The following MATCAP2 variants were observed in gnomAD, a reference collection of about 807,000 sequenced individuals.
The protein encoded by MATCAP2 is microtubule associated tyrosine carboxypeptidase 2.
At chr7:36,328,572 C>T in the MATCAP2 span, among the ~76,000 whole-genome samples, 17 of 151,184 alleles carry the variant, frequency 1.1e-4, no homozygotes, top group East Asian at 2.4e-3. Context: ...GGTGAAACCC[C>T]GTCTCTACTA....
At chr7:36,355,265 G>A in the MATCAP2 span, 8 of 152,162 alleles carry the variant, frequency 5.3e-5, no homozygotes, top group Admixed American at 5.2e-4. Flanking sequence ...TATGCACTAA[G>A]CATTCTCTCA....
At chr7:36,381,792 T>C in the MATCAP2 span, among the ~76,000 whole-genome samples, 3 of 151,938 alleles carry the variant, frequency 2.0e-5, no homozygotes, top group Non-Finnish European at 4.4e-5. Context: ...ACTGGGATGG[T>C]GTCAGACTCT....
At chr7:36,366,703 C>G in the MATCAP2 span, 1 of 1,535,142 alleles carries the variant, frequency 6.5e-7, no homozygotes, top group Non-Finnish European at 8.7e-7. Flanking sequence ...CAGGTACTTA[C>G]TGATAATAAG....
At chr7:36,386,478 T>C in the MATCAP2 span, among the ~76,000 whole-genome samples, 1 of 151,988 alleles carries the variant, frequency 6.6e-6, no homozygotes, top group African/African-American at 2.4e-5. Context: ...TGTGTATCAT[T>C]AGTTATATTA....
the MATCAP2 span, chr7:36,326,475 T>C: frequency 7.2e-5 from 15 of 207,144 alleles, no homozygotes; most frequent in Non-Finnish European, 1.2e-4. Context: ...AAATTTATCA[T>C]GCAATTTGAC....
chr7:36,334,265 G>A, the MATCAP2 span: 122 of 957,396 alleles, frequency 1.3e-4, 1 homozygote, highest in South Asian at 1.7e-3. Flanking sequence ...AGCCAGGCGC[G>A]GTGGCTCATG....
the MATCAP2 span, among the ~76,000 whole-genome samples, chr7:36,328,346 A>C: frequency 3.3e-5 from 5 of 150,782 alleles, no homozygotes; most frequent in African/African-American, 4.9e-5. Context: ...GGTGTGAGCC[A>C]CAATGCCCAG....
At chr7:36,381,988 G>T in the MATCAP2 span, among the ~76,000 whole-genome samples, 1 of 152,074 alleles carries the variant, frequency 6.6e-6, no homozygotes, top group Non-Finnish European at 1.5e-5. Context: ...ACATTCTCTT[G>T]TATCAAATTT....
chr7:36,375,453 T>G, the MATCAP2 span, among the ~76,000 whole-genome samples: 1 of 152,194 alleles, frequency 6.6e-6, no homozygotes, highest in Non-Finnish European at 1.5e-5. Flanking sequence ...TTCATCTTGG[T>G]GGATAAGTTT....
chr7:36,351,272 T>G, the MATCAP2 span, among the ~76,000 whole-genome samples: 1 of 152,174 alleles, frequency 6.6e-6, no homozygotes, highest in Non-Finnish European at 1.5e-5. Flanking sequence ...AGCCCGTGCC[T>G]ATAGTCCCAG....
chr7:36,328,241 G>GGT, the MATCAP2 span, among the ~76,000 whole-genome samples: 5 of 23,462 alleles, frequency 2.1e-4, 1 homozygote, highest in East Asian at 8.2e-3. Flanking sequence ...TGTTTTTGTA[G>GGT]GGGGGGGGGG....
the MATCAP2 span, chr7:36,326,792 G>C: frequency 2.8e-5 from 45 of 1,613,480 alleles, no homozygotes; most frequent in Non-Finnish European, 3.1e-5. Flanking sequence ...CTGTCAGTCA[G>C]TTCATTCACT....
the MATCAP2 span, among the ~76,000 whole-genome samples, chr7:36,345,034 G>A: frequency 1.3e-5 from 2 of 152,114 alleles, no homozygotes; most frequent in South Asian, 2.1e-4. Context: ...ATCTGACTTT[G>A]GACCTTCCCT....
At chr7:36,367,225 C>T in the MATCAP2 span, 1 of 1,142,386 alleles carries the variant, frequency 8.8e-7, no homozygotes, top group Non-Finnish European at 1.1e-6. Context: ...AGCCGCTCCG[C>T]CGGTTGCTAG....
chr7:36,340,470 T>C, the MATCAP2 span, among the ~76,000 whole-genome samples: 1 of 152,222 alleles, frequency 6.6e-6, no homozygotes, highest in South Asian at 2.1e-4. Flanking sequence ...TTGTTTCATC[T>C]TGACTTGCAC....
chr7:36,348,429 C>T, the MATCAP2 span, among the ~76,000 whole-genome samples: 1 of 152,200 alleles, frequency 6.6e-6, no homozygotes, highest in African/African-American at 2.4e-5. Context: ...AAAAGAAGAG[C>T]ATATTTACAT....
the MATCAP2 span, chr7:36,331,197 A>T: frequency 1.7e-6 from 1 of 578,870 alleles, no homozygotes. Context: ...TAGTTTGCCA[A>T]CATTTATTTT....
chr7:36,388,724 T>G, the MATCAP2 span, among the ~76,000 whole-genome samples: 1 of 152,362 alleles, frequency 6.6e-6, no homozygotes, highest in African/African-American at 2.4e-5. Context: ...GGTCATGAGC[T>G]GAGAACAGGG....
the MATCAP2 span, among the ~76,000 whole-genome samples, chr7:36,345,397 T>C: frequency 6.6e-6 from 1 of 152,174 alleles, no homozygotes; most frequent in South Asian, 2.1e-4. Context: ...GCATATCTTA[T>C]AGGCATCAAA....
Sources: allele counts gnomAD v4.1 joint callset (sites outside exome capture counted in the v4.1 genomes callset), GRCh38; gene constraint gnomAD v4.1.1; transcripts MANE v1.5; gene names NCBI Gene and HGNC (gene_info 2026-07-23, HGNC 2026-07-21).